Variants in DNAH12 observed in about 807,000 individuals in gnomAD.
DNAH12 encodes the protein axonemal beta dynein heavy chain 12.
In DNAH12, 285 loss-of-function variants were observed where a neutral mutation model predicts 371.5. The ratio of observed to expected loss-of-function variants is 0.77; its 90% CI spans 0.70 to 0.85. The LOEUF (loss-of-function observed/expected upper bound fraction) is 0.85, where lower values mean the gene tolerates loss of function less well. DNAH12 is among the 40% of genes least tolerant of loss of function. The pLI is 0.00. For missense variants in DNAH12, 3,611 were observed against 3,689.4 expected, an observed-to-expected ratio of 0.98 and a Z score of 0.55; for synonymous variants, 1,200 against 1,213.0, an observed-to-expected ratio of 0.99 and a Z score of 0.22.
At chr3:57,308,073 G>T (rs1575428776) in intron 69 of DNAH12, among the ~76,000 whole-genome samples, 1 of 152,216 alleles carries the variant, frequency 6.6e-6, no homozygotes, top group South Asian at 2.1e-4. Context: ...CAAGCTCAGG[G>T]ATTTGCCCCC....
chr3:57,390,243 T>C (rs1433150648), intron 45 of DNAH12, among the ~76,000 whole-genome samples: 5 of 142,934 alleles, frequency 3.5e-5, no homozygotes, highest in Admixed American at 2.8e-4. Context: ...AGAAACCCTG[T>C]CTCTATAAAA....
intron 30 of DNAH12, among the ~76,000 whole-genome samples, chr3:57,435,165 A>C (rs2065079128): frequency 6.6e-6 from 1 of 152,104 alleles, no homozygotes; most frequent in African/African-American, 2.4e-5. Flanking sequence ...TGAGGTCAGG[A>C]GTTCAAGACC....
intron 60 of DNAH12, among the ~76,000 whole-genome samples, chr3:57,339,018 T>G (rs2062318820): frequency 6.6e-6 from 1 of 152,168 alleles, no homozygotes; most frequent in Non-Finnish European, 1.5e-5. Flanking sequence ...GAGACTCCAT[T>G]TTGTTCTGTA....
intron 62 of DNAH12, among the ~76,000 whole-genome samples, chr3:57,325,136 G>C (rs2061908213): frequency 6.6e-6 from 1 of 152,222 alleles, no homozygotes; most frequent in East Asian, 1.9e-4. Context: ...TCCACCTCTG[G>C]GGGCAGGGCA....
rs913991381 is a variant in DNAH12 at position 57,339,204 on chromosome 3, T to C, written c.9675-4264A>G. 6.7e-4 allele frequency among the ~76,000 whole-genome samples: 102 copies of C among 152,110 alleles called. 1 individual carries two copies. Among genetic ancestry groups the C allele is most frequent in the African/African-American group, 2.5e-3 (102 of 41,514 alleles). Reference sequence around the variant, plus strand: ...CATGCTCGTTAAGAGTCATCACCACTCCCTTATCTCAAGTACCCAGGGACA... The same window carrying C: ...CATGCTCGTTAAGAGTCATCACCACCCCCTTATCTCAAGTACCCAGGGACA... On this transcript the variant is annotated intron_variant, in intron 60 of 73. Coordinates refer to ENST00000495027, the MANE Select transcript of DNAH12 (RefSeq NM_001366028.2).
At chr3:57,334,442 A>G (rs1241707845) in intron 62 of DNAH12, 23 bp downstream of exon 62, 1 of 1,533,928 alleles carries the variant, frequency 6.5e-7, no homozygotes, top group Non-Finnish European at 8.8e-7. Flanking sequence ...CTGGGTTCCA[A>G]ATAGAACACA....
At chr3:57,398,901 A>G (rs2063799099) in intron 43 of DNAH12, among the ~76,000 whole-genome samples, 1 of 152,316 alleles carries the variant, frequency 6.6e-6, no homozygotes, top group African/African-American at 2.4e-5. Flanking sequence ...GAAATAGAGA[A>G]TCCTGTATTA....
At chr3:57,356,083 CCA>C (rs2062790754) in intron 59 of DNAH12, among the ~76,000 whole-genome samples, 1 of 152,122 alleles carries the variant, frequency 6.6e-6, no homozygotes, top group Non-Finnish European at 1.5e-5. Flanking sequence ...ATCCCCAACT[CCA>C]GTCTGACTCC....
chr3:57,390,678 T>A (rs2063604882), intron 45 of DNAH12, among the ~76,000 whole-genome samples: 1 of 151,656 alleles, frequency 6.6e-6, no homozygotes, highest in African/African-American at 2.4e-5. Flanking sequence ...AGAGTATGAA[T>A]ACCAAATTGT....
chr3:57,519,644 G>A, intron 4 of DNAH12: 1 of 1,327,630 alleles, frequency 7.5e-7, no homozygotes, highest in Non-Finnish European at 1.1e-6. Flanking sequence ...CTGAACAACT[G>A]CACTAAGAAG....
At chr3:57,312,418 G>C (rs1162923265) in intron 66 of DNAH12, among the ~76,000 whole-genome samples, 1 of 152,214 alleles carries the variant, frequency 6.6e-6, no homozygotes, top group Non-Finnish European at 1.5e-5. Context: ...GCATATGCAA[G>C]AAGTGGAGAC....
At chr3:57,488,506 T>C (rs559084320) in intron 12 of DNAH12, among the ~76,000 whole-genome samples, 1 of 152,246 alleles carries the variant, frequency 6.6e-6, no homozygotes, top group East Asian at 1.9e-4. Context: ...GGTACTATTT[T>C]TCATAGTTGA....
intron 32 of DNAH12, among the ~76,000 whole-genome samples, chr3:57,432,076 T>G (rs1352039077): frequency 6.6e-6 from 1 of 152,102 alleles, no homozygotes; most frequent in Non-Finnish European, 1.5e-5. Flanking sequence ...CTTCTCTATT[T>G]ACTTTCTACC....
chr3:57,449,323 G>T (rs930816990), intron 25 of DNAH12, among the ~76,000 whole-genome samples: 12 of 152,248 alleles, frequency 7.9e-5, no homozygotes, highest in Admixed American at 7.2e-4. Flanking sequence ...GGAGCTGCCT[G>T]CCAGTCCCAC....
intron 34 of DNAH12, 105 bp downstream of exon 34, chr3:57,428,528 C>T: frequency 6.6e-7 from 1 of 1,519,568 alleles, no homozygotes; most frequent in Admixed American, 2.4e-5. Flanking sequence ...TGCATAAGGA[C>T]AAACTGGTTT....
intron 12 of DNAH12, among the ~76,000 whole-genome samples, chr3:57,488,334 A>G (rs1394090869): frequency 6.6e-6 from 1 of 152,106 alleles, no homozygotes; most frequent in Admixed American, 6.6e-5. Context: ...CTGGGGTTAC[A>G]GGCACCTGCC....
At chr3:57,377,984 CAA>C (rs1491565657) in intron 52 of DNAH12, among the ~76,000 whole-genome samples, 10 of 152,096 alleles carry the variant, frequency 6.6e-5, no homozygotes, top group East Asian at 1.9e-4. Flanking sequence ...CAAGGAGGGA[CAA>C]GAGAGAGAGA....
chr3:57,360,175 T>C (rs1575501268), intron 58 of DNAH12, among the ~76,000 whole-genome samples: 1 of 151,974 alleles, frequency 6.6e-6, no homozygotes, highest in East Asian at 1.9e-4. Flanking sequence ...GATGGACGGG[T>C]ATTGGGAAAG....
chr3:57,320,985 A>G (rs1274221756), intron 65 of DNAH12, among the ~76,000 whole-genome samples: 2 of 152,212 alleles, frequency 1.3e-5, no homozygotes, highest in African/African-American at 4.8e-5. Flanking sequence ...ACAAATCCCA[A>G]TACTTACGGT....
Sources: allele counts gnomAD v4.1 joint callset (sites outside exome capture counted in the v4.1 genomes callset), GRCh38; gene constraint gnomAD v4.1.1; transcripts MANE v1.5; gene names NCBI Gene and HGNC (gene_info 2026-07-23, HGNC 2026-07-21).